RAD54L2: variants seen among roughly 807,000 people sequenced by gnomAD.
RAD54L2 encodes the protein RAD54 like 2.
In RAD54L2, 27 loss-of-function variants were observed where a neutral mutation model predicts 138.4. The ratio of observed to expected loss-of-function variants is 0.20; its 90% CI spans 0.14 to 0.27. The LOEUF (loss-of-function observed/expected upper bound fraction) is 0.27, where lower values mean the gene tolerates loss of function less well. Ranked by LOEUF, RAD54L2 falls within the 10% of genes least tolerant of loss-of-function variation. The probability of loss-of-function intolerance (pLI) is 1.00; values close to 1 mark genes in which losing one functional copy is unlikely to be tolerated. For synonymous variants in RAD54L2, 644 were observed against 723.2 expected (o/e 0.89, Z 1.76); for missense variants, 1,396 against 1,890.2 (o/e 0.74, Z 4.85).
At chr3:51,658,088 C>A (rs1234448899) in intron 21 of RAD54L2, among the ~76,000 whole-genome samples, 1 of 151,390 alleles carries the variant, frequency 6.6e-6, no homozygotes, top group African/African-American at 2.4e-5. Context: ...CCACGCACAG[C>A]TGATTTTTGT....
intron 3 of RAD54L2, among the ~76,000 whole-genome samples, chr3:51,605,459 T>TG (rs1700161261): frequency 1.4e-5 from 2 of 148,098 alleles, no homozygotes; most frequent in Non-Finnish European, 3.0e-5. Context: ...GGGTTTTTTT[T>TG]TTTTTTTTTT....
intron 3 of RAD54L2, among the ~76,000 whole-genome samples, chr3:51,616,026 TGGG>T (rs1001280466): frequency 6.6e-6 from 1 of 152,144 alleles, no homozygotes; most frequent in African/African-American, 2.4e-5. Context: ...TATACATATT[TGGG>T]GGGCACACGT....
chr3:51,579,134 C>G (rs1699551449), intron 2 of RAD54L2, among the ~76,000 whole-genome samples: 1 of 151,348 alleles, frequency 6.6e-6, no homozygotes, highest in African/African-American at 2.4e-5. Context: ...ACACCTGCTT[C>G]TCCTCTCTCT....
chr3:51,608,523 C>T (rs1577421565), intron 3 of RAD54L2, among the ~76,000 whole-genome samples: 1 of 152,298 alleles, frequency 6.6e-6, no homozygotes, highest in Non-Finnish European at 1.5e-5. Flanking sequence ...CCACTGCACT[C>T]CAGCCTGGGC....
intron 10 of RAD54L2, 165 bp from the exon 11 acceptor site, chr3:51,636,996 C>G: frequency 3.2e-6 from 2 of 629,914 alleles, no homozygotes; most frequent in Admixed American, 2.7e-5. Context: ...CCAGTCATAT[C>G]CAGGAGCTTG....
rs185237495 is a variant in RAD54L2, at chr3:51,650,546, C to G, written c.3026+4065C>G. ...ACCACGTAGTTGGAAGTAAAGCACT[C>G]CTCAGCAAATGTAAAAGAACAGAAA... is the stretch of plus-strand genomic sequence containing the variant. On this transcript the variant is annotated intron_variant, in intron 19 of 22. Transcript: ENST00000684192. Among the ~76,000 whole-genome samples the G allele has an allele frequency of 3.7e-3, 566 of 152,326 alleles. 3 individuals carry two copies. The highest frequency in any genetic ancestry group is 0.013 in the African/African-American group (531 of 41,570).
chr3:51,551,115 G>A (rs1698824615), intron 2 of RAD54L2, among the ~76,000 whole-genome samples: 1 of 151,294 alleles, frequency 6.6e-6, no homozygotes, highest in Non-Finnish European at 1.5e-5. Context: ...ACCTTTCTGT[G>A]ACTTTTTTTT....
At chr3:51,639,379 T>C in intron 12 of RAD54L2, 40 bp from the exon 13 acceptor site, 1 of 1,607,982 alleles carries the variant, frequency 6.2e-7, no homozygotes, top group Non-Finnish European at 8.5e-7. Flanking sequence ...CTTGGAATGT[T>C]TTTTGTCCTG....
intron 3 of RAD54L2, among the ~76,000 whole-genome samples, chr3:51,627,341 C>G (rs530238512): frequency 6.6e-6 from 1 of 152,154 alleles, no homozygotes; most frequent in African/African-American, 2.4e-5. Context: ...TAGGCATGCA[C>G]GCTATGCAGT....
At chr3:51,639,138 T>G in intron 12 of RAD54L2, 1 of 443,626 alleles carries the variant, frequency 2.3e-6, no homozygotes, top group Non-Finnish European at 4.1e-6. Context: ...AATAAGAATG[T>G]CAAAAAGGCT....
chr3:51,572,495 G>A (rs1699358968), intron 2 of RAD54L2, among the ~76,000 whole-genome samples: 2 of 150,164 alleles, frequency 1.3e-5, no homozygotes, highest in Non-Finnish European at 3.0e-5. Context: ...ATTCACGCCT[G>A]TAATCCCAGC....
At chr3:51,615,184 T>G (rs1700417708) in intron 3 of RAD54L2, among the ~76,000 whole-genome samples, 1 of 152,122 alleles carries the variant, frequency 6.6e-6, no homozygotes, top group Non-Finnish European at 1.5e-5. Flanking sequence ...TGGCTAATTT[T>G]TTGTATTTTT....
chr3:51,569,483 G>C (rs1487256209), intron 2 of RAD54L2, among the ~76,000 whole-genome samples: 1 of 151,422 alleles, frequency 6.6e-6, no homozygotes, highest in Non-Finnish European at 1.5e-5. Flanking sequence ...TCCCAGGTTC[G>C]AGCAATTCTT....
chr3:51,582,587 C>G (rs1251071145), intron 2 of RAD54L2, among the ~76,000 whole-genome samples: 1 of 142,482 alleles, frequency 7.0e-6, no homozygotes, highest in African/African-American at 2.6e-5. Flanking sequence ...ACAACTCTGC[C>G]TTTTTTTTTT....
intron 2 of RAD54L2, among the ~76,000 whole-genome samples, chr3:51,563,444 C>T (rs1699144016): frequency 6.6e-6 from 1 of 152,248 alleles, no homozygotes; most frequent in South Asian, 2.1e-4. Flanking sequence ...TCATGTGGTG[C>T]TTTCCAAGTA....
chr3:51,654,644 CCT>C (rs771426314), intron 19 of RAD54L2, among the ~76,000 whole-genome samples: 6 of 152,062 alleles, frequency 3.9e-5, no homozygotes, highest in Non-Finnish European at 7.4e-5. Flanking sequence ...TTTTTTTCCC[CCT>C]CTTTTTTGGG....
At chr3:51,653,551 A>G (rs2106840988) in intron 19 of RAD54L2, among the ~76,000 whole-genome samples, 1 of 152,340 alleles carries the variant, frequency 6.6e-6, no homozygotes, top group African/African-American at 2.4e-5. Context: ...TCAATGATAG[A>G]CTGAATTAAG....
At chr3:51,598,149 ATGTGTG>A (rs778223606) in intron 3 of RAD54L2, among the ~76,000 whole-genome samples, 98 of 128,430 alleles carry the variant, frequency 7.6e-4, no homozygotes, top group Non-Finnish European at 1.2e-3. Context: ...GTATATATAT[ATGTGTG>A]TGTGTGTGTG....
intron 2 of RAD54L2, among the ~76,000 whole-genome samples, chr3:51,561,626 A>G (rs371802240): frequency 1.3e-5 from 2 of 151,868 alleles, no homozygotes; most frequent in Non-Finnish European, 2.9e-5. Flanking sequence ...CAGTGTTGCA[A>G]TCACGGCTCA....
Sources: gnomAD v4.1 joint callset for allele counts (sites outside exome capture counted in the v4.1 genomes callset) on GRCh38, gnomAD v4.1.1 for gene constraint, MANE v1.5 for transcripts, NCBI Gene and HGNC (gene_info 2026-07-23, HGNC 2026-07-21) for gene names.